The following COPG2 variants were observed in gnomAD, a reference collection of about 807,000 sequenced individuals.
COPG2 encodes coatomer subunit gamma-2.
COPG2 carries 37 observed loss-of-function variants against 46.3 expected under a neutral mutation model. That is an observed-to-expected ratio of 0.80 (90% CI 0.61 to 1.05). The LOEUF (loss-of-function observed/expected upper bound fraction) is 1.05. Ranked by LOEUF, COPG2 falls within the 50% of genes least tolerant of loss-of-function variation. The pLI, the probability that COPG2 is intolerant of heterozygous loss-of-function variation, is 0.00. For synonymous variants in COPG2, 159 were observed against 129.7 expected (o/e 1.23, Z -1.53); for missense variants, 427 against 387.8 (o/e 1.10, Z -0.85).
intron 20 of COPG2, among the ~76,000 whole-genome samples, chr7:130,521,976 G>T (rs1185254179): frequency 1.3e-5 from 2 of 152,184 alleles, no homozygotes; most frequent in East Asian, 3.8e-4. Context: ...ATACTTAAAT[G>T]TGATTCCAAA....
intron 1 of COPG2, 54 bp downstream of exon 1, chr7:130,668,578 C>G (rs1796151688): frequency 2.1e-6 from 3 of 1,461,612 alleles, no homozygotes; most frequent in Non-Finnish European, 2.7e-6. Flanking sequence ...TGGCGGCGGG[C>G]GGGGGAAGGG....
intron 20 of COPG2, among the ~76,000 whole-genome samples, chr7:130,538,686 G>T (rs1250209221): frequency 1.7e-5 from 1 of 57,896 alleles, no homozygotes; most frequent in Non-Finnish European, 3.6e-5. Context: ...CTGGGGGCCT[G>T]GGAGGGGATG....
At chr7:130,578,926 A>G (rs1313942706) in intron 9 of COPG2, among the ~76,000 whole-genome samples, 3 of 149,614 alleles carry the variant, frequency 2.0e-5, no homozygotes, top group Non-Finnish European at 3.0e-5. Context: ...AACACTCTGC[A>G]GGATATTATC....
intron 3 of COPG2, among the ~76,000 whole-genome samples, chr7:130,665,104 C>T (rs1796048332): frequency 6.6e-6 from 1 of 152,050 alleles, no homozygotes; most frequent in South Asian, 2.1e-4. Context: ...TTGCTTGAAC[C>T]AGGGAGGTGG....
chr7:130,658,769 C>G (rs563585296), intron 4 of COPG2, among the ~76,000 whole-genome samples: 1 of 152,080 alleles, frequency 6.6e-6, no homozygotes, highest in South Asian at 2.1e-4. Flanking sequence ...CAATCTCCCC[C>G]TCCTGGGTTC....
rs1436488043 is a variant in COPG2 at position 130,550,546 on chromosome 7, A to T, written c.1752T>A (p.Ala584=). ...AACCTGCTTTCTGTTCAAAGACAGG[A>T]GCCATAGCAAGAGGAATTGATTTCA... ...FDMKSIPLAM[A]PVFEQKAEIT... is the part of the protein sequence containing the mutation. The change falls in exon 17 of 24, where the codon GCT becomes GCA. Residue 584 remains alanine (A), a synonymous_variant. Coordinates refer to ENST00000425248, the MANE Select transcript of COPG2 (RefSeq NM_012133.6). The T allele has an allele frequency of 7.5e-6, 3 of 397,798 alleles. No homozygotes were observed. Among genetic ancestry groups the T allele is most frequent in the Non-Finnish European group, 1.3e-5 (3 of 225,706 alleles). The allele number at this position is 397,798 out of a possible 1,614,324, so 24.6% of individuals were successfully genotyped here. A position where few individuals can be genotyped will look rare whatever the true frequency, so the allele number is the denominator to read the frequency against.
At chr7:130,522,096 A>G (rs948752623) in intron 20 of COPG2, among the ~76,000 whole-genome samples, 28 of 152,186 alleles carry the variant, frequency 1.8e-4, no homozygotes, top group African/African-American at 5.8e-4. Flanking sequence ...AGGGCTGCTC[A>G]CTGCACCAGA....
chr7:130,610,756 A>C, intron 9 of COPG2, 197 bp downstream of exon 9: 1 of 667,394 alleles, frequency 1.5e-6, no homozygotes, highest in South Asian at 1.7e-5. Context: ...TTAATAATTA[A>C]GTACATATAC....
chr7:130,540,844 C>A (rs1352360874), intron 20 of COPG2, among the ~76,000 whole-genome samples: 2 of 151,990 alleles, frequency 1.3e-5, no homozygotes, highest in Non-Finnish European at 2.9e-5. Flanking sequence ...TGGACATGGA[C>A]CCCCAGGCAG....
intron 9 of COPG2, among the ~76,000 whole-genome samples, chr7:130,594,717 C>T (rs1794494077): frequency 6.6e-6 from 1 of 152,054 alleles, no homozygotes; most frequent in African/African-American, 2.4e-5. Flanking sequence ...GGCATCTCTC[C>T]AAAGAAGATA....
chr7:130,601,661 G>T (rs1554450338), intron 9 of COPG2, among the ~76,000 whole-genome samples: 1 of 152,104 alleles, frequency 6.6e-6, no homozygotes, highest in Non-Finnish European at 1.5e-5. Context: ...ACCGGGGCCT[G>T]TCGCGGGTGG....
At chr7:130,539,458 G>A (rs1313477843) in intron 20 of COPG2, among the ~76,000 whole-genome samples, 1 of 152,204 alleles carries the variant, frequency 6.6e-6, no homozygotes, top group East Asian at 1.9e-4. Flanking sequence ...AGTTCTTGAA[G>A]AGAAGGTGGG....
intron 5 of COPG2, among the ~76,000 whole-genome samples, chr7:130,634,987 GCT>G (rs1795307171): frequency 6.6e-6 from 1 of 150,728 alleles, no homozygotes; most frequent in Non-Finnish European, 1.5e-5. Context: ...TTTGTCATTG[GCT>G]CTGTTTATGT....
chr7:130,606,521 T>C (rs1041911836), intron 9 of COPG2, among the ~76,000 whole-genome samples: 7 of 152,316 alleles, frequency 4.6e-5, no homozygotes, highest in East Asian at 1.9e-4. Flanking sequence ...TTATTATGTA[T>C]TGGCAGAGAG....
chr7:130,509,330 TG>T (rs1318701494), intron 20 of COPG2: 1 of 503,212 alleles, frequency 2.0e-6, no homozygotes, highest in Non-Finnish European at 4.0e-6. Flanking sequence ...TTTTGGAAAG[TG>T]AAGTCTTTAT....
chr7:130,507,637 G>C (rs1358364489), intron 22 of COPG2, 48 bp downstream of exon 22: 7 of 761,964 alleles, frequency 9.2e-6, no homozygotes, highest in Admixed American at 9.2e-5. Flanking sequence ...TGCCTGTTAG[G>C]TGTTATACTG....
intron 20 of COPG2, chr7:130,509,635 T>A (rs781936695): frequency 3.9e-6 from 2 of 508,464 alleles, no homozygotes; most frequent in South Asian, 2.9e-5. Flanking sequence ...TGTCAATACA[T>A]GTTGACATTA....
intron 20 of COPG2, among the ~76,000 whole-genome samples, chr7:130,514,841 G>C (rs1021556915): frequency 6.6e-6 from 1 of 152,158 alleles, no homozygotes; most frequent in African/African-American, 2.4e-5. Flanking sequence ...AGACCACAGC[G>C]CCATAAAGAT....
chr7:130,545,835 C>T (rs1793434066), intron 20 of COPG2, among the ~76,000 whole-genome samples: 2 of 152,004 alleles, frequency 1.3e-5, no homozygotes, highest in Non-Finnish European at 2.9e-5. Context: ...AAAACCTCTC[C>T]TCTTTTTCCT....
Sources: allele counts gnomAD v4.1 joint callset (sites outside exome capture counted in the v4.1 genomes callset), GRCh38; gene constraint gnomAD v4.1.1; transcripts MANE v1.5; gene names NCBI Gene and HGNC (gene_info 2026-07-23, HGNC 2026-07-21).